Variants in SETD2 observed in about 807,000 individuals in gnomAD.
SETD2 encodes SET domain containing 2, histone lysine methyltransferase.
SETD2 carries 31 observed loss-of-function variants against 242.1 expected under a neutral mutation model. The ratio of observed to expected loss-of-function variants is 0.13; its 90% CI spans 0.10 to 0.17. The LOEUF is 0.17. Ranked by LOEUF, SETD2 falls within the 10% of genes least tolerant of loss-of-function variation. The pLI is 1.00. For synonymous variants in SETD2, 1,006 were observed against 1,066.5 expected, an observed-to-expected ratio of 0.94 and a Z score of 1.11; for missense variants, 2,481 against 3,046.3, an observed-to-expected ratio of 0.81 and a Z score of 4.37.
intron 5 of SETD2, among the ~76,000 whole-genome samples, chr3:47,111,706 C>T (rs2042657717): frequency 1.3e-5 from 2 of 149,644 alleles, no homozygotes; most frequent in Admixed American, 6.7e-5. Context: ...GATTGGTTCC[C>T]AAAAGGATAG....
At chr3:47,107,717 TGGCGGGGGGG>T in intron 5 of SETD2, among the ~76,000 whole-genome samples, 1 of 37,096 alleles carries the variant, frequency 2.7e-5, no homozygotes, top group Admixed American at 3.2e-4. Context: ...TCACTTTGGG[TGGCGGGGGGG>T]GGTGGGGGGG....
chr3:47,153,608 C>T (rs2044050103), intron 1 of SETD2, among the ~76,000 whole-genome samples: 1 of 151,948 alleles, frequency 6.6e-6, no homozygotes, highest in South Asian at 2.1e-4. Flanking sequence ...TAAAAATTAG[C>T]TAGGTGTGGT....
At position 47,017,769 on chromosome 3, in the gene SETD2, T is replaced by A. The variant is rs1423718879; in HGVS notation, c.7432-30A>T. 1 of 1,506,484 alleles carries A rather than the reference T, an allele frequency of 6.6e-7. No individual in the cohort carries two copies. Among genetic ancestry groups the A allele is most frequent in the Non-Finnish European group, 9.2e-7 (1 of 1,082,058 alleles). 93.3% of individuals were successfully genotyped at this position (1,506,484 alleles called of 1,614,324 possible). A position where few individuals can be genotyped will look rare whatever the true frequency, so the allele number is the denominator to read the frequency against. ...AGGCAGAGAAAAGAGAACACGTTGC[T>A]CAACAGTCCAGAGAGGGCAAGGAGT... On this transcript the variant is annotated intron_variant, in intron 19 of 20. Coordinates refer to ENST00000409792, the MANE Select transcript of SETD2 (RefSeq NM_014159.7). This position sits in a 1 kb window ranked among gnomAD's most constrained non-coding sequence, Gnocchi z 4.8.
At position 47,016,857 on chromosome 3, in the gene SETD2, G is replaced by A. The variant is rs1249422775; in HGVS notation, c.*236C>T. ...CAGGTCTGGCCAGGGTCTTTTCTAA[G>A]CCCTTGCACCTCTGATGGCTTCTAA... On this transcript the variant is annotated 3_prime_UTR_variant, in exon 21 of 21. Coordinates refer to ENST00000409792, the MANE Select transcript of SETD2 (RefSeq NM_014159.7). 7.9e-6 allele frequency: 4 copies of A among 505,208 alleles called. No individual in the cohort carries two copies. The highest frequency in any genetic ancestry group is 7.6e-5 in the African/African-American group (4 of 52,632). The allele number at this position is 505,208 out of a possible 1,614,324, so 31.3% of individuals were successfully genotyped here.
At chr3:47,048,139 G>T (rs1008350562) in intron 15 of SETD2, among the ~76,000 whole-genome samples, 6 of 152,040 alleles carry the variant, frequency 3.9e-5, no homozygotes, top group African/African-American at 1.4e-4. Context: ...CCTGCAACCC[G>T]AGCACTTTGG....
chr3:47,108,163 TAAAA>T (rs1487088945), intron 5 of SETD2, among the ~76,000 whole-genome samples: 1 of 151,824 alleles, frequency 6.6e-6, no homozygotes, highest in Non-Finnish European at 1.5e-5. Flanking sequence ...TTTAAAAACT[TAAAA>T]AAGAGAGAAA....
At position 47,120,533 on chromosome 3, in the gene SETD2, T is replaced by C. The variant is rs1559741555; in HGVS notation, c.4103A>G (p.Gln1368Arg). 1.2e-6 allele frequency: 2 copies of C among 1,614,182 alleles called. No individual in the cohort carries two copies. The highest frequency in any genetic ancestry group is 1.7e-6 in the Non-Finnish European group (2 of 1,180,020). Residue 1368 changes from glutamine (Q) to arginine (R), a missense_variant, in exon 3 of 21, where the codon CAA (glutamine) becomes CGA (arginine). Physicochemically the swap from Gln to Arg is conservative, Grantham distance 43. Coordinates refer to ENST00000409792, the MANE Select transcript of SETD2 (RefSeq NM_014159.7). ...GGAATTGCTGCTTATTTCAGGTGCT[T>C]GCACTGACCCCTTGTCTTTCTGAAG... ...LSLQKDKGSV[Q>R]APEISSNSIK...
chr3:47,138,907 G>A (rs2106785497), intron 1 of SETD2, among the ~76,000 whole-genome samples: 1 of 152,242 alleles, frequency 6.6e-6, no homozygotes, highest in South Asian at 2.1e-4. Flanking sequence ...AGCTATGGTG[G>A]TCTCTTTTAA....
chr3:47,151,175 C>G (rs1477264908), intron 1 of SETD2, among the ~76,000 whole-genome samples: 1 of 151,992 alleles, frequency 6.6e-6, no homozygotes, highest in Non-Finnish European at 1.5e-5. Flanking sequence ...CATAGATCTA[C>G]AAAATCCCTT....
At chr3:47,154,174 G>A (rs2044068938) in intron 1 of SETD2, among the ~76,000 whole-genome samples, 1 of 152,170 alleles carries the variant, frequency 6.6e-6, no homozygotes, top group Non-Finnish European at 1.5e-5. Context: ...ACTTTGGGAG[G>A]CCAAGGAGGG....
intron 1 of SETD2, among the ~76,000 whole-genome samples, chr3:47,150,920 TA>T (rs71098458): frequency 0.49 from 68,036 of 138,372 alleles, 17,292 homozygotes; most frequent in Non-Finnish European, 0.58. Flanking sequence ...ACCCTATCTT[TA>T]AAAAAAAAAA....
At position 47,088,291 on chromosome 3, in the gene SETD2, CA is replaced by C. The variant is rs748501527; in HGVS notation, c.5143-45del. 23,293 of 1,067,100 alleles carry C rather than the reference CA, an allele frequency of 0.022. No individual in the cohort carries two copies. Among genetic ancestry groups the C allele is most frequent in the South Asian group, 0.039 (2,128 of 55,100 alleles). The allele number at this position is 1,067,100 out of a possible 1,614,324, so 66.1% of individuals were successfully genotyped here. On this transcript the variant is annotated intron_variant, in intron 9 of 20. Coordinates refer to ENST00000409792, the MANE Select transcript of SETD2 (RefSeq NM_014159.7). The stretch of plus-strand genomic sequence containing the variant: ...ATACCTTTTTATAAAACAACAACAA[CA>C]AAAAAAAAAACCAAAAACCCAAAAA...
intron 1 of SETD2, among the ~76,000 whole-genome samples, chr3:47,138,593 G>C (rs2043648891): frequency 6.6e-6 from 1 of 151,986 alleles, no homozygotes. Flanking sequence ...GGCTAATTTT[G>C]TATTTTTAGT....
At chr3:47,042,400 G>A (rs1257173770) in intron 17 of SETD2, among the ~76,000 whole-genome samples, 161 bp downstream of exon 17, 3 of 152,074 alleles carry the variant, frequency 2.0e-5, no homozygotes, top group Non-Finnish European at 4.4e-5. Context: ...AAAGTCTAAC[G>A]TCTAAAATAC....
chr3:47,146,981 T>C (rs1356843620), intron 1 of SETD2, among the ~76,000 whole-genome samples: 1 of 151,466 alleles, frequency 6.6e-6, no homozygotes, highest in Non-Finnish European at 1.5e-5. Context: ...TGGCAGAGAG[T>C]TTATACTCAA....
At chr3:47,111,079 T>TAAAAAAAAAAAAAAAAAA (rs10672755) in intron 5 of SETD2, among the ~76,000 whole-genome samples, 2 of 78,818 alleles carry the variant, frequency 2.5e-5, no homozygotes, top group Non-Finnish European at 4.5e-5. Flanking sequence ...GTGGTTCCTT[T>TAAAAAAAAAAAAAAAAAA]AAAAAAAAAA....
At chr3:47,053,097 A>T (rs1013486640) in intron 15 of SETD2, among the ~76,000 whole-genome samples, 1 of 151,976 alleles carries the variant, frequency 6.6e-6, no homozygotes, top group Non-Finnish European at 1.5e-5. Flanking sequence ...CATGTTGGCC[A>T]GACTGGTCTC....
intron 12 of SETD2, among the ~76,000 whole-genome samples, chr3:47,079,835 C>G (rs1311752337): frequency 2.0e-5 from 3 of 152,134 alleles, no homozygotes; most frequent in African/African-American, 4.8e-5. Context: ...AAAAATGGAC[C>G]AATAAATTTT....
At chr3:47,049,994 T>G (rs2107559108) in intron 15 of SETD2, among the ~76,000 whole-genome samples, 1 of 147,452 alleles carries the variant, frequency 6.8e-6, no homozygotes, top group South Asian at 2.1e-4. Flanking sequence ...TATATAAATT[T>G]ATGTTTCTTA....
Sources: gnomAD v4.1 joint callset for allele counts (sites outside exome capture counted in the v4.1 genomes callset) on GRCh38, gnomAD v4.1.1 for gene constraint, Gnocchi (gnomAD v3.1) non-coding constraint, MANE v1.5 for transcripts, NCBI Gene and HGNC (gene_info 2026-07-23, HGNC 2026-07-21) for gene names.